CA10: variants seen among roughly 807,000 people sequenced by gnomAD.
CA10 encodes the protein carbonic anhydrase-related protein 10.
Under a neutral mutation model 44.2 loss-of-function variants are expected in CA10, and 14 were observed. The ratio of observed to expected loss-of-function variants is 0.32; its 90% CI spans 0.21 to 0.50. The LOEUF (loss-of-function observed/expected upper bound fraction) is 0.50, where lower values mean the gene tolerates loss of function less well. Ranked by LOEUF, CA10 falls within the 20% of genes least tolerant of loss-of-function variation. The pLI, the probability that CA10 is intolerant of heterozygous loss-of-function variation, is 0.99. For missense variants in CA10, 350 were observed against 409.7 expected (o/e 0.85, Z 1.26); for synonymous variants, 159 against 141.6 (o/e 1.12, Z -0.87).
intron 3 of CA10, among the ~76,000 whole-genome samples, chr17:51,843,890 C>A (rs370241791): frequency 6.6e-6 from 1 of 152,132 alleles, no homozygotes; most frequent in African/African-American, 2.4e-5. Flanking sequence ...AAATAGTCAT[C>A]ACTGAATTGA....
intron 4 of CA10, among the ~76,000 whole-genome samples, chr17:51,715,950 A>G (rs944584451): frequency 6.6e-6 from 1 of 152,116 alleles, no homozygotes; most frequent in African/African-American, 2.4e-5. Flanking sequence ...TCGGCCTCCC[A>G]AAGTATTGGG....
At chr17:51,872,094 C>T (rs1020407454) in intron 3 of CA10, among the ~76,000 whole-genome samples, 3 of 152,112 alleles carry the variant, frequency 2.0e-5, no homozygotes, top group African/African-American at 7.2e-5. Context: ...AGGTAAGAAA[C>T]AGCACGTTAA....
At chr17:52,021,556 ATGT>A (rs1986140717) in intron 2 of CA10, among the ~76,000 whole-genome samples, 1 of 152,060 alleles carries the variant, frequency 6.6e-6, no homozygotes, top group South Asian at 2.1e-4. Context: ...ATAATTAGTA[ATGT>A]TGTATGTCTT....
chr17:52,092,473 C>A (rs1988292984), intron 1 of CA10, among the ~76,000 whole-genome samples: 1 of 152,140 alleles, frequency 6.6e-6, no homozygotes, highest in Admixed American at 6.5e-5. Flanking sequence ...TCCCCGTGGA[C>A]CCCGGAGTAA....
chr17:51,739,957 A>G (rs2143584790), intron 4 of CA10, among the ~76,000 whole-genome samples: 1 of 152,300 alleles, frequency 6.6e-6, no homozygotes, highest in Non-Finnish European at 1.5e-5. Context: ...TCTGGTACAC[A>G]GGTTCTCAAT....
At chr17:51,764,671 C>T (rs959847958) in intron 3 of CA10, among the ~76,000 whole-genome samples, 46 of 152,182 alleles carry the variant, frequency 3.0e-4, no homozygotes, top group African/African-American at 1.1e-3. Context: ...GGCTACATGA[C>T]TCCAAGGGCC....
intron 3 of CA10, among the ~76,000 whole-genome samples, chr17:51,805,792 A>G (rs1353561964): frequency 6.6e-6 from 1 of 152,064 alleles, no homozygotes; most frequent in Non-Finnish European, 1.5e-5. Context: ...CTGGGCAACC[A>G]CTGATCTTCT....
chr17:51,917,394 A>G (rs1416089008), intron 3 of CA10, among the ~76,000 whole-genome samples: 1 of 152,214 alleles, frequency 6.6e-6, no homozygotes, highest in Non-Finnish European at 1.5e-5. Flanking sequence ...GCATGGCAGG[A>G]TGAGAGCACT....
intron 3 of CA10, among the ~76,000 whole-genome samples, chr17:51,751,686 C>A (rs1005013430): frequency 2.0e-5 from 3 of 152,188 alleles, no homozygotes; most frequent in Non-Finnish European, 2.9e-5. Flanking sequence ...TAACTTCTGC[C>A]TTGTGATGAT....
chr17:51,838,201 A>C (rs1004472483), intron 3 of CA10, among the ~76,000 whole-genome samples: 1 of 152,236 alleles, frequency 6.6e-6, no homozygotes, highest in African/African-American at 2.4e-5. Context: ...TCAACAGAAG[A>C]AGCAAATGAC....
chr17:51,860,428 T>C (rs1363372096), intron 3 of CA10, among the ~76,000 whole-genome samples: 1 of 152,180 alleles, frequency 6.6e-6, no homozygotes, highest in Non-Finnish European at 1.5e-5. Context: ...AAAACAATGG[T>C]TAGGATAGTG....
At chr17:51,765,474 G>A (rs1238307737) in intron 3 of CA10, among the ~76,000 whole-genome samples, 1 of 152,180 alleles carries the variant, frequency 6.6e-6, no homozygotes, top group African/African-American at 2.4e-5. Flanking sequence ...ATAATTATGG[G>A]CCAGAGAATT....
rs187848596 is a variant in CA10, at chr17:51,904,038, T to A, written c.279+26952A>T. On this transcript the variant is annotated intron_variant, in intron 3 of 8. Transcript: ENST00000451037. ...GGACTAGAAGCAGGCATGTTTGAAG[T>A]AAATACAGTTTCTGTTTATCTGGTA... Among the ~76,000 whole-genome samples, 149 of 151,786 alleles carry A rather than the reference T, an allele frequency of 9.8e-4. 1 individual carries two copies. The highest frequency in any genetic ancestry group is 3.5e-3 in the African/African-American group (145 of 41,404).
chr17:51,657,920 C>T (rs1913854155), intron 4 of CA10, among the ~76,000 whole-genome samples: 1 of 152,174 alleles, frequency 6.6e-6, no homozygotes, highest in Non-Finnish European at 1.5e-5. Flanking sequence ...TAAAGAGATG[C>T]CTTGAGGGCT....
At chr17:51,842,666 A>G (rs1388531875) in intron 3 of CA10, among the ~76,000 whole-genome samples, 1 of 152,210 alleles carries the variant, frequency 6.6e-6, no homozygotes, top group Non-Finnish European at 1.5e-5. Context: ...ACTTACACAG[A>G]GAAATATGTA....
At chr17:51,633,364 T>C in intron 8 of CA10, 112 bp downstream of exon 8, 1 of 1,058,152 alleles carries the variant, frequency 9.5e-7, no homozygotes, top group Non-Finnish European at 1.4e-6. Context: ...CTATTGTCAT[T>C]TACAGTCATC....
intron 4 of CA10, among the ~76,000 whole-genome samples, chr17:51,681,960 G>T (rs906777368): frequency 2.0e-5 from 3 of 152,214 alleles, no homozygotes; most frequent in African/African-American, 7.2e-5. Flanking sequence ...GGTGAAGGGA[G>T]AAATGCAGGA....
intron 2 of CA10, among the ~76,000 whole-genome samples, chr17:52,027,782 C>T (rs1447311756): frequency 6.6e-6 from 1 of 152,112 alleles, no homozygotes; most frequent in Non-Finnish European, 1.5e-5. Flanking sequence ...CAATGCTTTG[C>T]ATTTTTCAGA....
At chr17:51,728,855 A>G (rs1310315334) in intron 4 of CA10, among the ~76,000 whole-genome samples, 1 of 152,236 alleles carries the variant, frequency 6.6e-6, no homozygotes, top group Non-Finnish European at 1.5e-5. Flanking sequence ...GTAAATAAAC[A>G]TGAAAAATTA....
Sources: allele counts gnomAD v4.1 joint callset (sites outside exome capture counted in the v4.1 genomes callset), GRCh38; gene constraint gnomAD v4.1.1; transcripts MANE v1.5; gene names NCBI Gene and HGNC (gene_info 2026-07-23, HGNC 2026-07-21).